TCF4: variants seen among roughly 807,000 people sequenced by gnomAD.
TCF4 encodes SL3-3 enhancer factor 2.
In TCF4, 3 loss-of-function variants were observed where a neutral mutation model predicts 82.1. That is an observed-to-expected ratio of 0.04 (90% confidence interval 0.02 to 0.09). TCF4 has a LOEUF of 0.09. TCF4 is among the 10% of genes least tolerant of loss of function. The pLI, the probability that TCF4 is intolerant of heterozygous loss-of-function variation, is 1.00. For missense variants in TCF4, 518 were observed against 852.7 expected (o/e 0.61, Z 4.89); for synonymous variants, 276 against 309.6 (o/e 0.89, Z 1.14).
At chr18:55,452,968 C>T (rs923003568) in intron 5 of TCF4, among the ~76,000 whole-genome samples, 16 of 152,134 alleles carry the variant, frequency 1.1e-4, no homozygotes, top group African/African-American at 3.6e-4. Flanking sequence ...AGGCCTTGTT[C>T]TTAATTTTCA....
intron 8 of TCF4, among the ~76,000 whole-genome samples, chr18:55,334,433 T>C (rs1342004705): frequency 1.3e-5 from 2 of 152,040 alleles, no homozygotes; most frequent in Non-Finnish European, 2.9e-5. Flanking sequence ...AAATCTCCAA[T>C]TGCATAATTC....
intron 8 of TCF4, chr18:55,322,103 TC>T (rs1432909012): frequency 2.0e-5 from 19 of 937,230 alleles, no homozygotes; most frequent in Admixed American, 1.3e-4. Flanking sequence ...TTTTTTTTTT[TC>T]CTTTTTTTTT....
intron 2 of TCF4, among the ~76,000 whole-genome samples, chr18:55,621,986 C>T (rs1433359602): frequency 8.0e-6 from 1 of 124,336 alleles, no homozygotes; most frequent in African/African-American, 3.2e-5. Context: ...ATTATATATA[C>T]ACTATATATT....
At chr18:55,446,821 A>G (rs1266166419) in intron 5 of TCF4, among the ~76,000 whole-genome samples, 1 of 151,848 alleles carries the variant, frequency 6.6e-6, no homozygotes, top group Non-Finnish European at 1.5e-5. Flanking sequence ...TGTCTCTACT[A>G]AAAACACACA....
chr18:55,290,597 G>A (rs144407154), intron 8 of TCF4, among the ~76,000 whole-genome samples: 104 of 152,240 alleles, frequency 6.8e-4, no homozygotes, highest in African/African-American at 2.3e-3. Flanking sequence ...CTACATTATA[G>A]TTTGACCTTT....
chr18:55,380,377 G>A (rs1006366009), intron 6 of TCF4, among the ~76,000 whole-genome samples: 4 of 151,792 alleles, frequency 2.6e-5, no homozygotes, highest in South Asian at 2.1e-4. Context: ...CCATCAACCC[G>A]TCATCTACAT....
upstream of TCF4, chr18:55,588,325 G>A (rs556661422): frequency 6.1e-6 from 9 of 1,476,076 alleles, no homozygotes; most frequent in South Asian, 1.2e-4. Context: ...AAATGGGTGG[G>A]GGGGCTCCGG....
At chr18:55,598,041 A>G (rs2097692982) in intron 2 of TCF4, among the ~76,000 whole-genome samples, 1 of 152,232 alleles carries the variant, frequency 6.6e-6, no homozygotes, top group African/African-American at 2.4e-5. Flanking sequence ...GCTAATGGGT[A>G]GGCTAGACAA....
intron 3 of TCF4, among the ~76,000 whole-genome samples, chr18:55,579,150 T>C (rs1028455334): frequency 1.3e-5 from 2 of 151,320 alleles, no homozygotes; most frequent in Non-Finnish European, 3.0e-5. Context: ...GATTAAATTA[T>C]TATTTCTCTT....
chr18:55,390,290 A>C (rs1185800689), intron 6 of TCF4, among the ~76,000 whole-genome samples: 1 of 147,512 alleles, frequency 6.8e-6, no homozygotes, highest in African/African-American at 2.5e-5. Flanking sequence ...GACTCTTAAA[A>C]AAAAAAAAAA....
chr18:55,586,895 C>A, intron 2 of TCF4, 150 bp downstream of exon 2: 18 of 581,386 alleles, frequency 3.1e-5, no homozygotes, highest in East Asian at 7.7e-5. Context: ...TAGTTAAAAA[C>A]TTGTCAAAAA....
intron 3 of TCF4, among the ~76,000 whole-genome samples, chr18:55,476,699 C>A (rs1459473084): frequency 6.6e-6 from 1 of 152,102 alleles, no homozygotes. Context: ...GACTCCTGGG[C>A]TCAGGCAATC....
In TCF4 at chr18:55,272,523, T is replaced by TA. The variant is rs139240066; in HGVS notation, c.790-2561_790-2560insT. Among the ~76,000 whole-genome samples the TA allele has an allele frequency of 2.4e-3, 361 of 152,252 alleles. 3 individuals are homozygous for TA. Among genetic ancestry groups the TA allele is most frequent in the African/African-American group, 8.2e-3 (342 of 41,560 alleles). On this transcript the variant is annotated intron_variant, in intron 10 of 19. Coordinates refer to ENST00000354452, the MANE Select transcript of TCF4 (RefSeq NM_001083962.2). ...TTATGATGCCCAAGAGTCCTGTATTTCGTGTCTATTAACAGAGTAATTGTT... is the reference window on the plus strand; with the variant it reads ...TTATGATGCCCAAGAGTCCTGTATTTACGTGTCTATTAACAGAGTAATTGTT...
chr18:55,403,598 G>A, intron 5 of TCF4, 80 bp from the exon 6 acceptor site: 1 of 1,613,168 alleles, frequency 6.2e-7, no homozygotes, highest in Non-Finnish European at 8.5e-7. Context: ...GACATCTACT[G>A]CTCTTCCCCG....
intron 8 of TCF4, chr18:55,321,396 C>T (rs2075448634): frequency 1.4e-5 from 7 of 497,304 alleles, no homozygotes; most frequent in Non-Finnish European, 2.5e-5. Context: ...CTCAACTTTA[C>T]CTGACTGCAA....
chr18:55,338,704 C>T (rs2079179976), intron 8 of TCF4, among the ~76,000 whole-genome samples: 1 of 152,112 alleles, frequency 6.6e-6, no homozygotes, highest in Non-Finnish European at 1.5e-5. Context: ...TATTCTCCCC[C>T]CCACAACAAA....
intron 8 of TCF4, among the ~76,000 whole-genome samples, chr18:55,305,730 C>G (rs2070072276): frequency 6.6e-6 from 1 of 152,258 alleles, no homozygotes; most frequent in South Asian, 2.1e-4. Context: ...CAGTTTTCAG[C>G]TCCCCTAATT....
At chr18:55,369,951 T>C (rs1483678907) in intron 6 of TCF4, among the ~76,000 whole-genome samples, 1 of 152,114 alleles carries the variant, frequency 6.6e-6, no homozygotes, top group African/African-American at 2.4e-5. Context: ...AAATGCATTC[T>C]GCAATAGATC....
rs571089355 is a variant in TCF4, at chr18:55,296,252, T to C, written c.550-16596A>G. Reference sequence around the variant, plus strand: ...AGATACAGGATTTCATCCAAGTGCATGTCAATGACTTACCATCAGTGGAAG... The same window carrying C: ...AGATACAGGATTTCATCCAAGTGCACGTCAATGACTTACCATCAGTGGAAG... On this transcript the variant is annotated intron_variant, in intron 8 of 19. Coordinates refer to ENST00000354452, the MANE Select transcript of TCF4 (RefSeq NM_001083962.2). 3.9e-5 allele frequency among the ~76,000 whole-genome samples: 6 copies of C among 152,286 alleles called. No individual in the cohort carries two copies. In the South Asian group the frequency reaches 8.3e-4, roughly 21 times the overall value.
Sources: allele counts gnomAD v4.1 joint callset (sites outside exome capture counted in the v4.1 genomes callset), GRCh38; gene constraint gnomAD v4.1.1; transcripts MANE v1.5; gene names NCBI Gene and HGNC (gene_info 2026-07-23, HGNC 2026-07-21).